ZNF423: variants seen among roughly 807,000 people sequenced by gnomAD.
ZNF423 encodes the protein zinc finger protein 423.
ZNF423 carries 12 observed loss-of-function variants against 95.8 expected under a neutral mutation model. The observed-to-expected ratio is 0.13, with a 90% CI of 0.08 to 0.20. The LOEUF (loss-of-function observed/expected upper bound fraction) is 0.20. Among genes scored for constraint, ZNF423 ranks in the 10% least tolerant of loss-of-function variants. The pLI is 1.00. For synonymous variants in ZNF423, 749 were observed against 711.9 expected, an observed-to-expected ratio of 1.05 and a Z score of -0.83; for missense variants, 1,316 against 1,737.1, an observed-to-expected ratio of 0.76 and a Z score of 4.31.
At chr16:49,627,261 TACATACCCAC>T (rs1972321289) in intron 4 of ZNF423, among the ~76,000 whole-genome samples, 1 of 119,236 alleles carries the variant, frequency 8.4e-6, no homozygotes, top group Non-Finnish European at 1.7e-5. Flanking sequence ...TCCATCTACA[TACATACCCAC>T]CCATCCATCC....
rs532940886 is a variant in ZNF423, at chr16:49,635,691, C to A, written c.3485G>T (p.Arg1162Leu). Residue 1162 changes from arginine to leucine, a missense_variant, in exon 4 of 8, where the codon CGG becomes CTG. Arg to Leu is a moderately radical substitution (Grantham distance 102). Transcript: ENST00000563137. The surrounding 1 kb of genome is among the most constrained non-coding windows in gnomAD (Gnocchi z 4.8). ...RDLTPETSGPRKGTQTSPVPR... is the reference protein window; with the variant it reads ...RDLTPETSGPLKGTQTSPVPR... ...CACTGGCGATGTCTGGGTGCCTTTCCGGGGCCCACTGGTCTCCGGCGTGAG... is the reference window on the plus strand; with the variant it reads ...CACTGGCGATGTCTGGGTGCCTTTCAGGGGCCCACTGGTCTCCGGCGTGAG... The A allele has an allele frequency of 6.3e-7, 1 of 1,590,664 alleles. No individual in the cohort carries two copies. Among genetic ancestry groups the A allele is most frequent in the East Asian group, 2.2e-5 (1 of 44,652 alleles).
intron 1 of ZNF423, among the ~76,000 whole-genome samples, chr16:49,797,820 C>T (rs2034522354): frequency 6.6e-6 from 1 of 152,226 alleles, no homozygotes; most frequent in Non-Finnish European, 1.5e-5. Flanking sequence ...AGGGACAGGA[C>T]CCTCTGGCTC....
chr16:49,740,730 A>T (rs2033397393), intron 2 of ZNF423, among the ~76,000 whole-genome samples: 1 of 152,210 alleles, frequency 6.6e-6, no homozygotes, highest in Admixed American at 6.5e-5. Flanking sequence ...CCTCGGCTAC[A>T]TCACACAAGC....
intron 7 of ZNF423, among the ~76,000 whole-genome samples, chr16:49,500,101 A>G (rs995786001): frequency 8.5e-5 from 13 of 152,182 alleles, no homozygotes; most frequent in Admixed American, 3.3e-4. Flanking sequence ...TCACAAGCAA[A>G]GGAAGATGGA....
At chr16:49,818,316 G>A (rs920875566) in intron 1 of ZNF423, among the ~76,000 whole-genome samples, 1 of 152,116 alleles carries the variant, frequency 6.6e-6, no homozygotes, top group Non-Finnish European at 1.5e-5. Flanking sequence ...GATAGGGCCC[G>A]GGGATCTGCA....
At chr16:49,626,579 C>A (rs1567512262) in intron 4 of ZNF423, among the ~76,000 whole-genome samples, 1 of 151,942 alleles carries the variant, frequency 6.6e-6, no homozygotes, top group Non-Finnish European at 1.5e-5. Flanking sequence ...TCCATCCAAA[C>A]ATCCACCCAT....
At chr16:49,538,735 T>C (rs573935021) in intron 5 of ZNF423, among the ~76,000 whole-genome samples, 2 of 152,328 alleles carry the variant, frequency 1.3e-5, no homozygotes, top group East Asian at 3.9e-4. Context: ...ACGGATTCTG[T>C]ACCCTTATTC....
intron 7 of ZNF423, among the ~76,000 whole-genome samples, chr16:49,511,896 G>A (rs966008299): frequency 1.3e-5 from 2 of 152,184 alleles, no homozygotes; most frequent in Admixed American, 1.3e-4. Context: ...CTTACAGGGA[G>A]CAAGGGCAAA....
At chr16:49,521,536 C>T (rs12446262) in intron 7 of ZNF423, among the ~76,000 whole-genome samples, 21,392 of 152,156 alleles carry the variant, frequency 0.14, 1,758 homozygotes, top group African/African-American at 0.21. Flanking sequence ...AGCACAGAGA[C>T]ATCAGCTCAG....
chr16:49,777,606 T>A (rs1320264751), intron 2 of ZNF423, among the ~76,000 whole-genome samples: 2 of 152,160 alleles, frequency 1.3e-5, no homozygotes, highest in Non-Finnish European at 2.9e-5. Flanking sequence ...TACAGCACAT[T>A]CTAGTGCCCG....
chr16:49,792,894 T>C (rs2034438293), intron 1 of ZNF423, among the ~76,000 whole-genome samples: 1 of 152,058 alleles, frequency 6.6e-6, no homozygotes, highest in African/African-American at 2.4e-5. Context: ...CCTGCATAGC[T>C]AAGACTATAA....
Position 49,490,836 on chromosome 16 carries a change from A to G in ZNF423, c.*439T>C, listed in dbSNP as rs1196882957. ...ATCACATCACGATGCACAATTACCT[A>G]GAATTGCAATTAAAAAGTAGTTAAC... On this transcript the variant is annotated 3_prime_UTR_variant, in exon 8 of 8. Transcript: ENST00000563137. The G allele has an allele frequency of 7.0e-6, 1 of 142,972 alleles. No individual in the cohort carries two copies. The highest frequency in any genetic ancestry group is 2.8e-5 in the African/African-American group (1 of 35,542). 8.9% of individuals were successfully genotyped at this position (142,972 alleles called of 1,614,324 possible).
At chr16:49,619,379 C>T (rs777582093) in intron 5 of ZNF423, among the ~76,000 whole-genome samples, 58 of 152,060 alleles carry the variant, frequency 3.8e-4, no homozygotes, top group Non-Finnish European at 7.4e-4. Flanking sequence ...CAAACACATA[C>T]GCATACAAAA....
intron 3 of ZNF423, among the ~76,000 whole-genome samples, chr16:49,718,283 G>A (rs539873744): frequency 1.3e-5 from 2 of 152,246 alleles, no homozygotes; most frequent in South Asian, 4.2e-4. Flanking sequence ...GCTGGGTGTG[G>A]TAATCCCAGC....
In ZNF423 at chr16:49,572,993, C is replaced by T. The variant is rs936746233; in HGVS notation, c.3602-47499G>A. ...CATGTAGGCTCTCCATAAGGGAGAGCGGGAAGGTTTGGCTAACTAGTGGAC... is the reference window on the plus strand; with the variant it reads ...CATGTAGGCTCTCCATAAGGGAGAGTGGGAAGGTTTGGCTAACTAGTGGAC... On this transcript the variant is annotated intron_variant, in intron 5 of 7. Coordinates refer to ENST00000563137, the MANE Select transcript of ZNF423 (RefSeq NM_001379286.1). Among the ~76,000 whole-genome samples, 24 of 152,168 alleles carry T rather than the reference C, an allele frequency of 1.6e-4. No homozygotes were observed. In the East Asian group the frequency reaches 2.7e-3, roughly 17 times the overall value.
At position 49,756,523 on chromosome 16, in the gene ZNF423, G is replaced by C. The variant is rs1274654271; in HGVS notation, c.101-25552C>G. ...GAGTTCCAACACTGGCCTAGACAAAGAGCACCCGGACTGCCACAGATGACT... is the reference window on the plus strand; with the variant it reads ...GAGTTCCAACACTGGCCTAGACAAACAGCACCCGGACTGCCACAGATGACT... On this transcript the variant is annotated intron_variant, in intron 2 of 7. Coordinates refer to ENST00000563137, the MANE Select transcript of ZNF423 (RefSeq NM_001379286.1). 5.3e-5 allele frequency among the ~76,000 whole-genome samples: 8 copies of C among 152,310 alleles called. No homozygotes were observed. The East Asian group carries it at 1.5e-3, about 29-fold the overall frequency.
intron 3 of ZNF423, among the ~76,000 whole-genome samples, chr16:49,723,720 C>T (rs2032930615): frequency 6.6e-6 from 1 of 152,088 alleles, no homozygotes; most frequent in African/African-American, 2.4e-5. Flanking sequence ...ATTCCTGATC[C>T]ACTTGGGATT....
chr16:49,671,423 G>A (rs114932657), intron 3 of ZNF423, among the ~76,000 whole-genome samples: 2,831 of 152,284 alleles, frequency 0.019, 74 homozygotes, highest in African/African-American at 0.063. Flanking sequence ...TCCCAAGCAC[G>A]CGTCCACCCG....
intron 3 of ZNF423, among the ~76,000 whole-genome samples, chr16:49,715,619 C>A (rs1483051207): frequency 1.3e-5 from 2 of 152,038 alleles, no homozygotes; most frequent in African/African-American, 4.8e-5. Context: ...GTGGTGTGCA[C>A]CCATAGTCCT....
Sources: gnomAD v4.1 joint callset for allele counts (sites outside exome capture counted in the v4.1 genomes callset) on GRCh38, gnomAD v4.1.1 for gene constraint, Gnocchi (gnomAD v3.1) non-coding constraint, MANE v1.5 for transcripts, NCBI Gene and HGNC (gene_info 2026-07-23, HGNC 2026-07-21) for gene names.